LLGL2: variants seen among roughly 807,000 people sequenced by gnomAD.
LLGL2 encodes the protein LLGL scribble cell polarity complex component 2, also known as LLGL2, scribble cell polarity complex component.
LLGL2 carries 81 observed loss-of-function variants against 123.2 expected under a neutral mutation model. That is an observed-to-expected ratio of 0.66 (90% CI 0.55 to 0.79). The LOEUF (loss-of-function observed/expected upper bound fraction) is 0.79. Ranked by LOEUF, LLGL2 falls within the 30% of genes least tolerant of loss-of-function variation. The pLI, the probability that LLGL2 is intolerant of heterozygous loss-of-function variation, is 0.00. For synonymous variants in LLGL2, 577 were observed against 594.1 expected, an observed-to-expected ratio of 0.97 and a Z score of 0.42; for missense variants, 1,273 against 1,414.6, an observed-to-expected ratio of 0.90 and a Z score of 1.61.
chr17:75,526,553 A>C (rs572901879), intron 1 of LLGL2, among the ~76,000 whole-genome samples: 2 of 151,974 alleles, frequency 1.3e-5, no homozygotes, highest in African/African-American at 4.8e-5. Context: ...CTGTGGGGAG[A>C]ACTGACCTAA....
At chr17:75,543,026 GTT>G (rs1228109962) in intron 1 of LLGL2, 1 of 155,292 alleles carries the variant, frequency 6.4e-6, no homozygotes, top group East Asian at 1.9e-4. Context: ...GGCTTGCGAA[GTT>G]TCCCTTTCTG....
intron 1 of LLGL2, among the ~76,000 whole-genome samples, chr17:75,527,248 G>A (rs1235213810): frequency 6.6e-6 from 1 of 152,038 alleles, no homozygotes; most frequent in African/African-American, 2.4e-5. Context: ...CTGTGCGAGA[G>A]ATGTCTCAGC....
chr17:75,550,227 G>A (rs914879668), intron 2 of LLGL2, among the ~76,000 whole-genome samples: 10 of 152,242 alleles, frequency 6.6e-5, no homozygotes, highest in South Asian at 2.1e-4. Context: ...GAGTGCAGCC[G>A]CGATTCAGGG....
chr17:75,544,138 G>A lies in LLGL2; in HGVS notation c.75+637G>A, dbSNP rs2147210403. 6.6e-6 allele frequency among the ~76,000 whole-genome samples: 1 copy of A among 152,330 alleles called. No homozygotes were observed. The highest frequency in any genetic ancestry group is 1.9e-4 in the East Asian group (1 of 5,180). ...CCTTCAGGAGTCTGGGGCCTGAGAAGGTCAGGACGGGCCTGTACGCAGGAG... is the reference window on the plus strand; with the variant it reads ...CCTTCAGGAGTCTGGGGCCTGAGAAAGTCAGGACGGGCCTGTACGCAGGAG... On this transcript the variant is annotated intron_variant, in intron 2 of 25. Transcript: ENST00000392550. The surrounding 1 kb of genome is among the most constrained non-coding windows in gnomAD (Gnocchi z 4.2).
chr17:75,531,219 G>A lies in LLGL2; in HGVS notation c.-31+5394G>A, dbSNP rs370197059. On this transcript the variant is annotated intron_variant, in intron 1 of 25. Transcript: ENST00000392550. ...TCTCCTGCCAGGACTTCCTGGCCCC[G>A]GGACCCTCCCTTTGGAAGACGAAGT... is the stretch of plus-strand genomic sequence containing the variant. Among the ~76,000 whole-genome samples, 124 of 152,250 alleles carry A rather than the reference G, an allele frequency of 8.1e-4. 2 individuals carry two copies. The South Asian group carries it at 0.024, about 30-fold the overall frequency.
At position 75,571,021 on chromosome 17, in the gene LLGL2, G is replaced by T. The variant is rs374571584; in HGVS notation, c.2097G>T (p.Lys699Asn). 2 of 1,613,106 alleles carry T rather than the reference G, an allele frequency of 1.2e-6. No homozygotes were observed. The highest frequency in any genetic ancestry group is 1.7e-6 in the Non-Finnish European group (2 of 1,179,964). The change falls in exon 17 of 26, where the codon AAG (lysine) becomes AAT (asparagine). Residue 699 changes from lysine to asparagine, a missense_variant. Physicochemically the swap from Lys to Asn is moderately conservative, Grantham distance 94 (BLOSUM62 0). Transcript: ENST00000392550. ...TGGAGCTGGCGCCTGTGCAGCGCAA[G>T]ATCGAGGCTCGCTCGGCAGAGGACT... ...QNMELAPVQR[K>N]IEARSAEDSF...
chr17:75,558,702 C>CAAAGGGTGAGT lies in LLGL2; in HGVS notation c.371+75_371+76insAAAGGGTGAGT. 3.3e-6 allele frequency: 4 copies of CAAAGGGTGAGT among 1,219,930 alleles called. No individual in the cohort carries two copies. The highest frequency in any genetic ancestry group is 4.7e-6 in the Non-Finnish European group (4 of 850,632). 75.6% of individuals were successfully genotyped at this position (1,219,930 alleles called of 1,614,324 possible). On this transcript the variant is annotated intron_variant, in intron 5 of 25. Coordinates refer to ENST00000392550, the MANE Select transcript of LLGL2 (RefSeq NM_001031803.2). The surrounding 1 kb of genome is among the most constrained non-coding windows in gnomAD (Gnocchi z 4.0). ...TGCCCTTAGCTCTGGAGTGGACTCA[C>CAAAGGGTGAGT]CCTTTGTGAGGCCTGTTGCGCCCCT...
intron 1 of LLGL2, among the ~76,000 whole-genome samples, chr17:75,529,583 C>T (rs931677074): frequency 1.2e-4 from 18 of 151,958 alleles, no homozygotes; most frequent in African/African-American, 4.3e-4. Context: ...AAAAATTAGG[C>T]CGGGCTCTGT....
chr17:75,565,416 C>G (rs1230086623), intron 10 of LLGL2, among the ~76,000 whole-genome samples: 1 of 152,242 alleles, frequency 6.6e-6, no homozygotes, highest in Non-Finnish European at 1.5e-5. Flanking sequence ...CTCACGGCCT[C>G]TATCTACCCT....
Position 75,549,603 on chromosome 17 carries a change from C to T in LLGL2, c.75+6102C>T, listed in dbSNP as rs532193752. Among the ~76,000 whole-genome samples the T allele has an allele frequency of 1.2e-3, 179 of 152,362 alleles. No homozygotes were observed. The highest frequency in any genetic ancestry group is 4.0e-3 in the African/African-American group (166 of 41,588). ...CCACACAGGGAGGGCCAGGCTGCCG[C>T]CACTGCCAGGAATCTGAGCTGGCCA... On this transcript the variant is annotated intron_variant, in intron 2 of 25. Coordinates refer to ENST00000392550, the MANE Select transcript of LLGL2 (RefSeq NM_001031803.2). The surrounding 1 kb of genome is among the most constrained non-coding windows in gnomAD (Gnocchi z 4.0).
In LLGL2 at chr17:75,574,235, G is replaced by A; in HGVS notation, c.2928G>A (p.Met976Ile). ...CAGAGAAGCAGCCCGGCCTGGTGAT[G>A]GAGCGCGCTCTGCTCAGTGATGAGA... ...DGEEKQPGLVMERALLSDERV... is the reference protein window; with the variant it reads ...DGEEKQPGLVIERALLSDERV... Residue 976 changes from methionine to isoleucine, a missense_variant, in exon 23 of 26, where the codon ATG becomes ATA. Transcript: ENST00000392550. 1 of 1,541,254 alleles carries A rather than the reference G, an allele frequency of 6.5e-7. No homozygotes were observed. Among genetic ancestry groups the A allele is most frequent in the Non-Finnish European group, 8.8e-7 (1 of 1,142,544 alleles).
In LLGL2 at chr17:75,556,776, G is replaced by A. The variant is rs148058066; in HGVS notation, c.173+633G>A. 3.7e-3 allele frequency among the ~76,000 whole-genome samples: 560 copies of A among 152,192 alleles called. 3 individuals carry two copies. Among genetic ancestry groups the A allele is most frequent in the Middle Eastern group, 0.014 (4 of 294 alleles). ...TTTTTAATTTAAAAAAATTTTTTTC[G>A]GCACTTTGGGAGGCTGAGGCGGGCA... On this transcript the variant is annotated intron_variant, in intron 3 of 25. Transcript: ENST00000392550.
At chr17:75,552,557 A>G (rs1248413202) in intron 2 of LLGL2, among the ~76,000 whole-genome samples, 1 of 151,960 alleles carries the variant, frequency 6.6e-6, no homozygotes, top group Non-Finnish European at 1.5e-5. Context: ...TACTAATGAG[A>G]TTTTTTCAGT....
rs780719806 is a variant in LLGL2 at position 75,571,714 on chromosome 17, A to G, written c.2224A>G (p.Ile742Val). The G allele has an allele frequency of 3.1e-6, 5 of 1,609,810 alleles. No homozygotes were observed. Among genetic ancestry groups the G allele is most frequent in the African/African-American group, 1.3e-5 (1 of 75,062 alleles). Residue 742 changes from isoleucine to valine, a missense_variant, in exon 18 of 26, where the codon ATC (isoleucine) becomes GTC (valine). Coordinates refer to ENST00000392550, the MANE Select transcript of LLGL2 (RefSeq NM_001031803.2). ...SLWAGTNGGT[I>V]YAFSLRVPPA... ...GTGGGCTGGCACCAATGGGGGCACC[A>G]TCTATGCCTTCTCCCTGCGTGTGCC...
chr17:75,546,659 C>CGGTGGGAT (rs2054441811), intron 2 of LLGL2, among the ~76,000 whole-genome samples: 15 of 26,338 alleles, frequency 5.7e-4, no homozygotes, highest in African/African-American at 1.3e-3. Flanking sequence ...GTCCAGCAGA[C>CGGTGGGAT]AGGCGGAGGG....
At chr17:75,556,227 C>G (rs1216289812) in intron 3 of LLGL2, 84 bp downstream of exon 3, 2 of 1,083,932 alleles carry the variant, frequency 1.8e-6, no homozygotes, top group African/African-American at 3.1e-5. Context: ...CTTCCTTGCC[C>G]GTGGGCTGTT....
Position 75,574,515 on chromosome 17 carries a change from A to T in LLGL2, c.2996+20A>T, listed in dbSNP as rs2055884272. On this transcript the variant is annotated intron_variant, in intron 24 of 25. Coordinates refer to ENST00000392550, the MANE Select transcript of LLGL2 (RefSeq NM_001031803.2). ...CCGCGGGTGAGGCACCGCCCAGGCC[A>T]GCTGGGGTGGGCCCGAGGCTCTGCC... is the stretch of plus-strand genomic sequence containing the variant. 1 of 1,570,016 alleles carries T rather than the reference A, an allele frequency of 6.4e-7. No individual in the cohort carries two copies. The highest frequency in any genetic ancestry group is 8.6e-7 in the Non-Finnish European group (1 of 1,158,798).
At chr17:75,547,403 T>G (rs1006082772) in intron 2 of LLGL2, among the ~76,000 whole-genome samples, 2 of 152,240 alleles carry the variant, frequency 1.3e-5, no homozygotes, top group Non-Finnish European at 1.5e-5. Context: ...CCTCACTGTG[T>G]AAGACACAGT....
intron 2 of LLGL2, among the ~76,000 whole-genome samples, chr17:75,553,649 CAT>C (rs955372213): frequency 1.3e-5 from 2 of 152,162 alleles, no homozygotes; most frequent in Non-Finnish European, 2.9e-5. Context: ...AATCAGTTGA[CAT>C]AGCATCGCTT....
Sources: allele counts gnomAD v4.1 joint callset (sites outside exome capture counted in the v4.1 genomes callset), GRCh38; gene constraint gnomAD v4.1.1; non-coding constraint Gnocchi (gnomAD v3.1); transcripts MANE v1.5; gene names NCBI Gene and HGNC (gene_info 2026-07-23, HGNC 2026-07-21).